Variants in SORCS2 observed in about 807,000 individuals in gnomAD.
The protein encoded by SORCS2 is sortilin related VPS10 domain containing receptor 2, also known as VPS10 domain-containing receptor SorCS2.
SORCS2 carries 100 observed loss-of-function variants against 141.6 expected under a neutral mutation model. The ratio of observed to expected loss-of-function variants is 0.71; its 90% CI spans 0.60 to 0.83. The LOEUF is 0.83. SORCS2 is among the 40% of genes least tolerant of loss of function. The pLI is 0.00. For synonymous variants in SORCS2, 789 were observed against 676.9 expected (o/e 1.17, Z -2.57); for missense variants, 1,646 against 1,560.2 (o/e 1.05, Z -0.93).
At chr4:7,371,829 G>A (rs1436711918) in intron 1 of SORCS2, among the ~76,000 whole-genome samples, 4 of 152,242 alleles carry the variant, frequency 2.6e-5, no homozygotes, top group African/African-American at 9.6e-5. Flanking sequence ...GAGGCGCTGT[G>A]TTGGATTTCA....
intron 2 of SORCS2, chr4:7,434,457 C>A: frequency 6.2e-7 from 1 of 1,610,720 alleles, no homozygotes; most frequent in South Asian, 1.1e-5. Flanking sequence ...TCTGCAGCGG[C>A]TCACAGAGGC....
At chr4:7,216,058 T>G (rs1347338607) in intron 1 of SORCS2, among the ~76,000 whole-genome samples, 1 of 152,190 alleles carries the variant, frequency 6.6e-6, no homozygotes, top group Non-Finnish European at 1.5e-5. Flanking sequence ...TCCACACTGC[T>G]TTTATGAGCT....
rs1577123524 is a variant in SORCS2, at chr4:7,724,757, GTGTTGGTGATGA to G, written c.2612-394_2612-383del. 8.9e-5 allele frequency among the ~76,000 whole-genome samples: 11 copies of G among 123,636 alleles called. 1 individual carries two copies. Among genetic ancestry groups the G allele is most frequent in the Admixed American group, 2.4e-4 (3 of 12,386 alleles). The allele number at this position is 123,636 out of a possible 152,430, so 81.1% of individuals were successfully genotyped here. On this transcript the variant is annotated intron_variant, in intron 19 of 26. Coordinates refer to ENST00000507866, the MANE Select transcript of SORCS2 (RefSeq NM_020777.3). ...GGTGGTAGTAGTGGTGATGGTGGTG[GTGTTGGTGATGA>G]TGGTGGTGATGGTGCTGGTGAGGAT...
At chr4:7,199,143 C>T in intron 1 of SORCS2, among the ~76,000 whole-genome samples, 1 of 152,158 alleles carries the variant, frequency 6.6e-6, no homozygotes, top group Non-Finnish European at 1.5e-5. Context: ...CGACCTGGGC[C>T]CTAGTTTCGT....
At chr4:7,586,572 A>G (rs57016470) in intron 3 of SORCS2, among the ~76,000 whole-genome samples, 4,225 of 152,282 alleles carry the variant, frequency 0.028, 97 homozygotes, top group African/African-American at 0.066. Flanking sequence ...AAGTGAGAAC[A>G]TGTGGTGTTT....
At chr4:7,527,050 G>A (rs1733737846) in intron 2 of SORCS2, among the ~76,000 whole-genome samples, 1 of 152,186 alleles carries the variant, frequency 6.6e-6, no homozygotes, top group Admixed American at 6.5e-5. Flanking sequence ...GGCCCTGCGG[G>A]TCAGTGGTGC....
Position 7,544,158 on chromosome 4 carries a change from A to G in SORCS2, c.648+12529A>G, listed in dbSNP as rs150898630. Among the ~76,000 whole-genome samples the G allele has an allele frequency of 2.8e-3, 420 of 151,212 alleles. 2 individuals carry two copies. The highest frequency in any genetic ancestry group is 4.9e-3 in the Non-Finnish European group (332 of 67,722). On this transcript the variant is annotated intron_variant, in intron 3 of 26. Transcript: ENST00000507866. Reference sequence around the variant, plus strand: ...CATCTACCCATCTGCCCATCCATCCACTCATCCATCCACTCACCCATCCTC... The same window carrying G: ...CATCTACCCATCTGCCCATCCATCCGCTCATCCATCCACTCACCCATCCTC...
intron 3 of SORCS2, among the ~76,000 whole-genome samples, chr4:7,562,668 A>C (rs1409270033): frequency 1.3e-5 from 2 of 152,150 alleles, no homozygotes; most frequent in African/African-American, 4.8e-5. Flanking sequence ...AAAGTAACAG[A>C]AACGTATTCT....
intron 23 of SORCS2, among the ~76,000 whole-genome samples, chr4:7,732,576 G>A (rs1414722022): frequency 6.6e-6 from 1 of 152,090 alleles, no homozygotes; most frequent in Non-Finnish European, 1.5e-5. Flanking sequence ...CACCTCCTGG[G>A]ATATCCCTCC....
chr4:7,195,518 C>T (rs915400961), intron 1 of SORCS2, among the ~76,000 whole-genome samples: 12 of 152,202 alleles, frequency 7.9e-5, no homozygotes, highest in Admixed American at 2.6e-4. Context: ...CAGGGAAGAC[C>T]TGATCATCCT....
At chr4:7,608,444 CACTT>C (rs1718195667) in intron 3 of SORCS2, among the ~76,000 whole-genome samples, 2 of 152,216 alleles carry the variant, frequency 1.3e-5, no homozygotes, top group Non-Finnish European at 2.9e-5. Context: ...CCATCTCTGT[CACTT>C]ACTTGCTGAG....
At position 7,655,802 on chromosome 4, in the gene SORCS2, G is replaced by A. The variant is rs542592407; in HGVS notation, c.887+1595G>A. Among the ~76,000 whole-genome samples, 5 of 152,358 alleles carry A rather than the reference G, an allele frequency of 3.3e-5. No individual in the cohort carries two copies. The East Asian group carries it at 7.7e-4, about 24-fold the overall frequency. On this transcript the variant is annotated intron_variant, in intron 5 of 26. Coordinates refer to ENST00000507866, the MANE Select transcript of SORCS2 (RefSeq NM_020777.3). ...GGAGGTGCGATTTCTGAGCCAGGTC[G>A]CTCTGGGGGATTGGTAGAGCTCTGT...
rs1438855705 is a variant in SORCS2, at chr4:7,599,445, G to A, written c.649-38883G>A. On this transcript the variant is annotated intron_variant, in intron 3 of 26. Coordinates refer to ENST00000507866, the MANE Select transcript of SORCS2 (RefSeq NM_020777.3). ...GTTGATCTTTGGGAGACAGGTTTAG[G>A]AGGTGGTGCTGTCATGCAGAGACGG... is the stretch of plus-strand genomic sequence containing the variant. Among the ~76,000 whole-genome samples the A allele has an allele frequency of 7.9e-5, 12 of 152,230 alleles. 1 individual carries two copies.
chr4:7,653,189 G>C (rs1164264182), intron 4 of SORCS2, among the ~76,000 whole-genome samples: 1 of 152,206 alleles, frequency 6.6e-6, no homozygotes, highest in Non-Finnish European at 1.5e-5. Flanking sequence ...TGGGCAATCA[G>C]CCCAACCCAT....
rs189975179 is a variant in SORCS2 at position 7,308,952 on chromosome 4, C to T, written c.481-87336C>T. On this transcript the variant is annotated intron_variant, in intron 1 of 26. Transcript: ENST00000507866. ...AAGACCTCCTGCTCTCTGGCCCTCT[C>T]CTACTGAGAAGAGTTCTGGGGCCCA... is the stretch of plus-strand genomic sequence containing the variant. Among the ~76,000 whole-genome samples the T allele has an allele frequency of 5.2e-3, 793 of 152,310 alleles. 3 individuals carry two copies. Among genetic ancestry groups the T allele is most frequent in the Non-Finnish European group, 9.4e-3 (638 of 68,018 alleles).
intron 2 of SORCS2, among the ~76,000 whole-genome samples, chr4:7,416,093 T>A (rs1331699179): frequency 6.6e-6 from 1 of 152,056 alleles, no homozygotes; most frequent in Non-Finnish European, 1.5e-5. Flanking sequence ...AGTGCACTAG[T>A]GATCTAGCCA....
At chr4:7,421,854 T>A (rs1726087026) in intron 2 of SORCS2, among the ~76,000 whole-genome samples, 1 of 150,706 alleles carries the variant, frequency 6.6e-6, no homozygotes, top group African/African-American at 2.4e-5. Context: ...CCAGTGGGCT[T>A]GCAGGAGAGG....
At chr4:7,715,552 G>T (rs910197578) in intron 17 of SORCS2, among the ~76,000 whole-genome samples, 1 of 152,212 alleles carries the variant, frequency 6.6e-6, no homozygotes, top group Non-Finnish European at 1.5e-5. Flanking sequence ...GAACCCACAG[G>T]GTTCTCCCAT....
At chr4:7,313,094 T>C (rs1347319103) in intron 1 of SORCS2, among the ~76,000 whole-genome samples, 1 of 152,248 alleles carries the variant, frequency 6.6e-6, no homozygotes, top group Admixed American at 6.5e-5. Context: ...GCTGTGCTCA[T>C]GGCCCAGACT....
Sources: allele counts gnomAD v4.1 joint callset (sites outside exome capture counted in the v4.1 genomes callset), GRCh38; gene constraint gnomAD v4.1.1; transcripts MANE v1.5; gene names NCBI Gene and HGNC (gene_info 2026-07-23, HGNC 2026-07-21).